The following WWOX variants were observed in gnomAD, a reference collection of about 807,000 sequenced individuals.
WWOX encodes the protein WW domain containing oxidoreductase.
In WWOX, 69 loss-of-function variants were observed where a neutral mutation model predicts 46.2. The ratio of observed to expected loss-of-function variants is 1.49; its 90% CI spans 1.23 to 1.82. WWOX has a LOEUF of 1.82. Ranked by LOEUF, WWOX falls within the 40% of genes most tolerant of loss-of-function variation. WWOX has a pLI of 0.00. For missense variants in WWOX, 919 were observed against 542.6 expected, an observed-to-expected ratio of 1.69 and a Z score of -6.89; for synonymous variants, 359 against 202.6, an observed-to-expected ratio of 1.77 and a Z score of -6.56.
chr16:78,220,994 T>C (rs1241475722), intron 5 of WWOX, among the ~76,000 whole-genome samples: 2 of 152,208 alleles, frequency 1.3e-5, no homozygotes, highest in African/African-American at 4.8e-5. Flanking sequence ...TGTATTTAGA[T>C]TTTAAAATTT....
At chr16:78,422,298 G>A (rs1354576875) in intron 6 of WWOX, among the ~76,000 whole-genome samples, 4 of 151,814 alleles carry the variant, frequency 2.6e-5, no homozygotes, top group African/African-American at 7.3e-5. Context: ...TCCCTTTATT[G>A]CATGCCAATG....
chr16:78,993,812 C>T (rs1008743248), intron 8 of WWOX, among the ~76,000 whole-genome samples: 4 of 152,184 alleles, frequency 2.6e-5, no homozygotes, highest in African/African-American at 9.6e-5. Flanking sequence ...TGGATGGCAT[C>T]GGAACCTGCA....
At chr16:78,165,523 G>A (rs1470905515) in intron 5 of WWOX, among the ~76,000 whole-genome samples, 3 of 152,192 alleles carry the variant, frequency 2.0e-5, no homozygotes, top group African/African-American at 7.2e-5. Flanking sequence ...GACCTGAAGA[G>A]GGTGGAGAAG....
At chr16:78,114,485 C>A (rs1481989033) in intron 3 of WWOX, among the ~76,000 whole-genome samples, 1 of 152,182 alleles carries the variant, frequency 6.6e-6, no homozygotes, top group South Asian at 2.1e-4. Context: ...AGTGCAGAGT[C>A]TTAAAATGAA....
intron 8 of WWOX, among the ~76,000 whole-genome samples, chr16:78,799,384 C>T (rs181126637): frequency 7.9e-4 from 120 of 152,268 alleles, no homozygotes; most frequent in African/African-American, 2.8e-3. Context: ...CATGCTCACA[C>T]GTCTGTGCTT....
In WWOX at chr16:78,653,506, G is replaced by C. The variant is rs79188461; in HGVS notation, c.1056+220754G>C. On this transcript the variant is annotated intron_variant, in intron 8 of 8. Transcript: ENST00000566780. The stretch of plus-strand genomic sequence containing the variant: ...CCCAGTTCTGACCAATGGATATGGA[G>C]GGTGCTTATGAGGAAGGTTTCCTAC... Among the ~76,000 whole-genome samples, 956 of 152,334 alleles carry C rather than the reference G, an allele frequency of 6.3e-3. 10 individuals carry two copies. The highest frequency in any genetic ancestry group is 0.022 in the African/African-American group (899 of 41,580).
At chr16:78,409,541 C>T (rs2082626746) in intron 6 of WWOX, among the ~76,000 whole-genome samples, 1 of 152,100 alleles carries the variant, frequency 6.6e-6, no homozygotes, top group Non-Finnish European at 1.5e-5. Context: ...GCTAAATTAC[C>T]CCCAAGACCT....
intron 5 of WWOX, among the ~76,000 whole-genome samples, chr16:78,316,542 G>C (rs552328858): frequency 2.0e-4 from 31 of 152,100 alleles, no homozygotes; most frequent in African/African-American, 7.2e-4. Flanking sequence ...GTGGTTTTGC[G>C]GTGTTGGCCA....
intron 8 of WWOX, among the ~76,000 whole-genome samples, chr16:78,472,836 A>AAAAT (rs1421843878): frequency 0.038 from 5,214 of 135,442 alleles, 267 homozygotes; most frequent in Non-Finnish European, 0.058. Flanking sequence ...AAAAAAAAAA[A>AAAAT]TTATGTCATT....
intron 8 of WWOX, among the ~76,000 whole-genome samples, chr16:79,138,920 C>T (rs985643248): frequency 1.3e-5 from 2 of 152,160 alleles, no homozygotes; most frequent in African/African-American, 2.4e-5. Context: ...AAGGAGAATT[C>T]GACCAGGGTA....
At chr16:78,151,237 C>G (rs1462381622) in intron 4 of WWOX, among the ~76,000 whole-genome samples, 1 of 152,014 alleles carries the variant, frequency 6.6e-6, no homozygotes, top group South Asian at 2.1e-4. Flanking sequence ...GTATGTATTT[C>G]TTATTATATC....
intron 8 of WWOX, among the ~76,000 whole-genome samples, chr16:78,803,022 G>T (rs1390236054): frequency 6.7e-6 from 1 of 150,192 alleles, no homozygotes; most frequent in Admixed American, 6.7e-5. Context: ...GGAATTCATG[G>T]TGCCTTGTAC....
intron 8 of WWOX, among the ~76,000 whole-genome samples, chr16:78,781,747 T>A (rs1411312650): frequency 6.6e-6 from 1 of 152,076 alleles, no homozygotes; most frequent in Non-Finnish European, 1.5e-5. Flanking sequence ...TGCACTCCAG[T>A]CTGGGCAACA....
chr16:78,116,540 C>G (rs903745171), intron 4 of WWOX, among the ~76,000 whole-genome samples: 3 of 152,134 alleles, frequency 2.0e-5, no homozygotes, highest in African/African-American at 7.2e-5. Flanking sequence ...TCATCCTGGG[C>G]TCCAAATATG....
chr16:78,422,242 G>C (rs2082950756), intron 6 of WWOX, among the ~76,000 whole-genome samples: 1 of 152,082 alleles, frequency 6.6e-6, no homozygotes, highest in Non-Finnish European at 1.5e-5. Flanking sequence ...TTGTTCCACT[G>C]TTTTAGAGAG....
At chr16:78,950,332 A>C (rs1242862316) in intron 8 of WWOX, among the ~76,000 whole-genome samples, 3 of 152,154 alleles carry the variant, frequency 2.0e-5, no homozygotes, top group Non-Finnish European at 4.4e-5. Flanking sequence ...GAGAAAGGAA[A>C]GGAGAAGTTG....
intron 8 of WWOX, among the ~76,000 whole-genome samples, chr16:78,751,140 C>T (rs903128322): frequency 2.0e-5 from 3 of 152,018 alleles, no homozygotes; most frequent in Non-Finnish European, 4.4e-5. Context: ...ACCATTCCTA[C>T]TTCCAAAAAG....
chr16:79,184,362 C>G (rs1223479740), intron 8 of WWOX, among the ~76,000 whole-genome samples: 1 of 152,166 alleles, frequency 6.6e-6, no homozygotes, highest in African/African-American at 2.4e-5. Flanking sequence ...AGTGGCAATG[C>G]ATGTAGGAAC....
intron 8 of WWOX, among the ~76,000 whole-genome samples, chr16:79,196,100 C>T (rs952972569): frequency 6.6e-6 from 1 of 152,166 alleles, no homozygotes; most frequent in Non-Finnish European, 1.5e-5. Flanking sequence ...AAAGTAGCTT[C>T]GAGGTTTGGC....
Sources: allele counts gnomAD v4.1 joint callset (sites outside exome capture counted in the v4.1 genomes callset), GRCh38; gene constraint gnomAD v4.1.1; transcripts MANE v1.5; gene names NCBI Gene and HGNC (gene_info 2026-07-23, HGNC 2026-07-21).